The following ATP8A1 variants were observed in gnomAD, a reference collection of about 807,000 sequenced individuals.
ATP8A1 encodes the protein ATPase phospholipid transporting 8A1.
ATP8A1 carries 90 observed loss-of-function variants against 177.7 expected under a neutral mutation model. The observed-to-expected ratio is 0.51, with a 90% CI of 0.43 to 0.60. The LOEUF is 0.60. ATP8A1 is among the 20% of genes least tolerant of loss of function. The probability of loss-of-function intolerance (pLI) is 0.00; values close to 1 mark genes in which losing one functional copy is unlikely to be tolerated. For synonymous variants in ATP8A1, 493 were observed against 485.9 expected (o/e 1.01, Z -0.19); for missense variants, 1,072 against 1,392.8 (o/e 0.77, Z 3.67).
chr4:42,459,730 G>A (rs1288563591), intron 27 of ATP8A1, among the ~76,000 whole-genome samples: 1 of 152,062 alleles, frequency 6.6e-6, no homozygotes, highest in East Asian at 1.9e-4. Context: ...AGTAATGAAC[G>A]AGTAAGTTCA....
intron 27 of ATP8A1, among the ~76,000 whole-genome samples, chr4:42,455,880 T>A (rs184080598): frequency 9.8e-4 from 150 of 152,316 alleles, no homozygotes; most frequent in African/African-American, 3.5e-3. Flanking sequence ...TTGTTTTTCT[T>A]AACGGTACTT....
At chr4:42,477,117 T>C (rs1721150579) in intron 25 of ATP8A1, among the ~76,000 whole-genome samples, 1 of 152,202 alleles carries the variant, frequency 6.6e-6, no homozygotes, top group African/African-American at 2.4e-5. Context: ...TGTTCACCGC[T>C]CTATTTCTAG....
At chr4:42,585,100 T>C (rs972096990) in intron 9 of ATP8A1, among the ~76,000 whole-genome samples, 4 of 152,132 alleles carry the variant, frequency 2.6e-5, no homozygotes, top group Admixed American at 1.3e-4. Context: ...TGACTACTCC[T>C]TCCATCTGGA....
At chr4:42,468,397 T>C (rs898008261) in intron 25 of ATP8A1, among the ~76,000 whole-genome samples, 1 of 150,926 alleles carries the variant, frequency 6.6e-6, no homozygotes, top group Non-Finnish European at 1.5e-5. Flanking sequence ...TGTGTGTGTA[T>C]ATATTTTATA....
At chr4:42,552,676 T>C (rs1158604495) in intron 16 of ATP8A1, 66 bp from the exon 17 acceptor site, 2 of 1,135,410 alleles carry the variant, frequency 1.8e-6, no homozygotes, top group Non-Finnish European at 2.6e-6. Context: ...ACAGTAATAT[T>C]ACTTCATGTC....
At chr4:42,464,634 A>G in intron 27 of ATP8A1, 56 bp downstream of exon 27, 3 of 1,036,428 alleles carry the variant, frequency 2.9e-6, no homozygotes, top group Non-Finnish European at 4.3e-6. Flanking sequence ...CCATAAAGAA[A>G]ATTTCTTTAA....
chr4:42,504,382 C>T (rs1304474989), intron 23 of ATP8A1, among the ~76,000 whole-genome samples: 1 of 152,208 alleles, frequency 6.6e-6, no homozygotes, highest in Admixed American at 6.5e-5. Context: ...TCAAGAAAAC[C>T]TACTTTCCCT....
chr4:42,621,139 A>G (rs917439347), intron 4 of ATP8A1, among the ~76,000 whole-genome samples: 16 of 152,232 alleles, frequency 1.1e-4, no homozygotes, highest in African/African-American at 3.9e-4. Flanking sequence ...TATGTGGAGC[A>G]ATGCAGGTAG....
At chr4:42,650,305 G>C (rs1740957422) in intron 1 of ATP8A1, among the ~76,000 whole-genome samples, 1 of 152,150 alleles carries the variant, frequency 6.6e-6, no homozygotes, top group African/African-American at 2.4e-5. Context: ...ATGACATGCT[G>C]TATCGCTATA....
chr4:42,444,408 A>G (rs1037143219), intron 32 of ATP8A1, among the ~76,000 whole-genome samples, 170 bp downstream of exon 32: 1 of 152,200 alleles, frequency 6.6e-6, no homozygotes, highest in African/African-American at 2.4e-5. Context: ...TTTCCCAACT[A>G]AAACCTCCAG....
chr4:42,586,279 A>T (rs921142352), intron 9 of ATP8A1, 70 bp downstream of exon 9: 2 of 1,546,254 alleles, frequency 1.3e-6, no homozygotes, highest in African/African-American at 1.4e-5. Flanking sequence ...ATGTATCCAG[A>T]CTTAGAAGAC....
At chr4:42,471,820 C>G (rs1720450110) in intron 25 of ATP8A1, 2 of 530,306 alleles carry the variant, frequency 3.8e-6, no homozygotes, top group Non-Finnish European at 7.2e-6. Flanking sequence ...ATGTTCATTT[C>G]AAGCACCAAG....
chr4:42,523,981 G>A (rs756846086), intron 21 of ATP8A1, among the ~76,000 whole-genome samples: 4 of 152,052 alleles, frequency 2.6e-5, no homozygotes, highest in Non-Finnish European at 5.9e-5. Flanking sequence ...GGTGCCACTG[G>A]CAACAGTTCC....
At chr4:42,456,626 T>A (rs1035934047) in intron 27 of ATP8A1, among the ~76,000 whole-genome samples, 1 of 152,154 alleles carries the variant, frequency 6.6e-6, no homozygotes, top group African/African-American at 2.4e-5. Flanking sequence ...TTATTGTTTT[T>A]AAAAAGCAGA....
chr4:42,569,620 A>G (rs1216280473), intron 14 of ATP8A1, among the ~76,000 whole-genome samples: 1 of 152,206 alleles, frequency 6.6e-6, no homozygotes, highest in Non-Finnish European at 1.5e-5. Context: ...ACACTAATAA[A>G]ATTTGTCAAA....
At chr4:42,625,442 A>G in intron 3 of ATP8A1, 172 bp downstream of exon 3, 1 of 466,538 alleles carries the variant, frequency 2.1e-6, no homozygotes, top group Non-Finnish European at 3.9e-6. Context: ...ATAAAAATGA[A>G]TCAAAAGGCT....
At chr4:42,553,397 A>AAT (rs1729708450) in intron 16 of ATP8A1, among the ~76,000 whole-genome samples, 1 of 152,208 alleles carries the variant, frequency 6.6e-6, no homozygotes, top group Non-Finnish European at 1.5e-5. Flanking sequence ...CAAAAATGGT[A>AAT]ACTTTATTCA....
intron 15 of ATP8A1, among the ~76,000 whole-genome samples, chr4:42,556,624 G>C (rs865898578): frequency 7.9e-5 from 12 of 151,966 alleles, no homozygotes; most frequent in African/African-American, 2.9e-4. Context: ...TTTTTGTGTT[G>C]TGGCTATCTT....
In ATP8A1 at chr4:42,581,653, C is replaced by T. The variant is rs1186710788; in HGVS notation, c.802G>A (p.Val268Ile). ...RNTQWVHGIV[V>I]YTGHDTKLMQ... ...AGCTTGGTGTCATGTCCAGTGTAGACAACTATTCCATGAACCCACTGTGTA... is the reference window on the plus strand; with the variant it reads ...AGCTTGGTGTCATGTCCAGTGTAGATAACTATTCCATGAACCCACTGTGTA... Residue 268 changes from valine (V) to isoleucine (I), a missense_variant, in exon 10 of 37, where the codon GTC becomes ATC. By Grantham distance (29) the Val-to-Ile change is conservative. This residue lies in a region of ATP8A1 where 344 missense variants were observed against 393.5 expected (regional missense o/e 0.87). Transcript: ENST00000381668. The T allele has an allele frequency of 6.2e-7, 1 of 1,613,984 alleles. No homozygotes were observed. The highest frequency in any genetic ancestry group is 8.5e-7 in the Non-Finnish European group (1 of 1,179,980).
Sources: gnomAD v4.1 joint callset for allele counts (sites outside exome capture counted in the v4.1 genomes callset) on GRCh38, gnomAD v4.1.1 for gene constraint, gnomAD v4.1.1 regional missense constraint, MANE v1.5 for transcripts, NCBI Gene and HGNC (gene_info 2026-07-23, HGNC 2026-07-21) for gene names.